The following CTNNA3 variants were observed in gnomAD, a reference collection of about 807,000 sequenced individuals.
CTNNA3 encodes the protein catenin alpha-3.
In CTNNA3, 76 loss-of-function variants were observed where a neutral mutation model predicts 95.7. The ratio of observed to expected loss-of-function variants is 0.79; its 90% confidence interval spans 0.66 to 0.96. The LOEUF is 0.96. Among genes scored for constraint, CTNNA3 ranks in the 40% least tolerant of loss-of-function variants. The pLI is 0.00. For missense variants in CTNNA3, 1,191 were observed against 1,089.8 expected, an observed-to-expected ratio of 1.09 and a Z score of -1.31; for synonymous variants, 431 against 374.4, an observed-to-expected ratio of 1.15 and a Z score of -1.74.
rs888829376 is a variant in CTNNA3, at chr10:66,309,508, C to T, written c.1733-28887G>A. ...GAGATCGAGACCATCCTGGCTAACA[C>T]TGTGAAACCCCATCTACCAAAAATA... is the stretch of plus-strand genomic sequence containing the variant. On this transcript the variant is annotated intron_variant, in intron 12 of 17. Coordinates refer to ENST00000433211, the MANE Select transcript of CTNNA3 (RefSeq NM_013266.4). Among the ~76,000 whole-genome samples the T allele has an allele frequency of 1.4e-4, 21 of 149,476 alleles. 1 individual carries two copies. Among genetic ancestry groups the T allele is most frequent in the South Asian group, 1.3e-3 (6 of 4,676 alleles).
intron 5 of CTNNA3, among the ~76,000 whole-genome samples, chr10:67,506,792 G>A (rs1186083480): frequency 6.6e-6 from 1 of 152,172 alleles, no homozygotes; most frequent in Non-Finnish European, 1.5e-5. Flanking sequence ...AATTTAATAT[G>A]AGTGTATTTG....
At chr10:66,638,907 C>T (rs1845425111) in intron 9 of CTNNA3, among the ~76,000 whole-genome samples, 1 of 152,060 alleles carries the variant, frequency 6.6e-6, no homozygotes, top group African/African-American at 2.4e-5. Flanking sequence ...TTTTTCACAT[C>T]ACTGTCTCTG....
At chr10:67,583,065 G>A (rs964408347) in intron 3 of CTNNA3, among the ~76,000 whole-genome samples, 7 of 151,960 alleles carry the variant, frequency 4.6e-5, no homozygotes, top group Non-Finnish European at 1.0e-4. Flanking sequence ...TTACATTTAA[G>A]GTTAATATTG....
chr10:67,522,085 A>T, intron 4 of CTNNA3, 124 bp from the exon 5 acceptor site: 2 of 858,002 alleles, frequency 2.3e-6, no homozygotes, highest in Admixed American at 5.4e-5. Context: ...AGTGATAACA[A>T]ATGCTAGCTA....
chr10:67,550,025 CAACT>C (rs976781614), intron 3 of CTNNA3, among the ~76,000 whole-genome samples: 1 of 152,084 alleles, frequency 6.6e-6, no homozygotes, highest in African/African-American at 2.4e-5. Flanking sequence ...AAAGTTCATA[CAACT>C]AACAAGGGTC....
chr10:67,119,958 AC>A (rs1684699527), intron 7 of CTNNA3, among the ~76,000 whole-genome samples: 1 of 151,932 alleles, frequency 6.6e-6, no homozygotes, highest in South Asian at 2.1e-4. Flanking sequence ...TTCTAAAATA[AC>A]CAAATAGTGT....
At chr10:67,333,929 G>A (rs1841889009) in intron 5 of CTNNA3, among the ~76,000 whole-genome samples, 1 of 152,176 alleles carries the variant, frequency 6.6e-6, no homozygotes, top group African/African-American at 2.4e-5. Flanking sequence ...TGTCATGGGT[G>A]ATTTGCTAAG....
At chr10:67,763,286 A>G (rs2131761883) in intron 1 of CTNNA3, among the ~76,000 whole-genome samples, 1 of 152,214 alleles carries the variant, frequency 6.6e-6, no homozygotes, top group Non-Finnish European at 1.5e-5. Context: ...AAAAAAAAAA[A>G]AATTCCTAAA....
intron 13 of CTNNA3, among the ~76,000 whole-genome samples, chr10:66,199,477 C>G (rs116284622): frequency 6.6e-6 from 1 of 150,928 alleles, no homozygotes; most frequent in Non-Finnish European, 1.5e-5. Flanking sequence ...AAAAAAAGAA[C>G]AACAAAACTT....
intron 5 of CTNNA3, among the ~76,000 whole-genome samples, chr10:67,271,835 C>A (rs192499136): frequency 2.3e-4 from 35 of 152,296 alleles, no homozygotes; most frequent in Admixed American, 2.3e-3. Flanking sequence ...AAGTAAGAGT[C>A]ATGCAGATAA....
chr10:66,353,754 C>A (rs2092584995), intron 12 of CTNNA3, among the ~76,000 whole-genome samples: 2 of 151,914 alleles, frequency 1.3e-5, no homozygotes, highest in South Asian at 4.2e-4. Context: ...GAAGGAGGAA[C>A]TGGAGATTAA....
chr10:67,140,636 G>A (rs575936752), intron 7 of CTNNA3, among the ~76,000 whole-genome samples: 1 of 152,226 alleles, frequency 6.6e-6, no homozygotes, highest in African/African-American at 2.4e-5. Flanking sequence ...AAGCAAACAC[G>A]TTTATTTTTA....
At chr10:67,308,288 G>A (rs910441259) in intron 5 of CTNNA3, among the ~76,000 whole-genome samples, 1 of 152,190 alleles carries the variant, frequency 6.6e-6, no homozygotes, top group Non-Finnish European at 1.5e-5. Context: ...AGGGACCCGG[G>A]GGGGAAGTAA....
intron 6 of CTNNA3, among the ~76,000 whole-genome samples, chr10:67,189,936 A>G (rs954540555): frequency 2.0e-5 from 3 of 152,202 alleles, no homozygotes; most frequent in African/African-American, 4.8e-5. Context: ...AAAGATGTAT[A>G]CCACCCACAG....
intron 13 of CTNNA3, among the ~76,000 whole-genome samples, chr10:66,179,214 G>A (rs945015686): frequency 1.3e-5 from 2 of 151,840 alleles, no homozygotes; most frequent in Non-Finnish European, 2.9e-5. Flanking sequence ...ATGGAATCTC[G>A]CTTAGCAATT....
intron 1 of CTNNA3, among the ~76,000 whole-genome samples, chr10:67,707,793 G>A (rs1034071908): frequency 6.6e-6 from 1 of 152,146 alleles, no homozygotes; most frequent in Non-Finnish European, 1.5e-5. Context: ...ACCTTGATAC[G>A]AAATGAAAGA....
intron 3 of CTNNA3, among the ~76,000 whole-genome samples, chr10:67,604,287 G>A (rs1480118720): frequency 6.6e-6 from 1 of 152,124 alleles, no homozygotes; most frequent in Non-Finnish European, 1.5e-5. Flanking sequence ...AAGAAACTGC[G>A]AGTTCCTGTT....
intron 5 of CTNNA3, among the ~76,000 whole-genome samples, chr10:67,318,782 G>A (rs566152600): frequency 3.3e-5 from 5 of 152,282 alleles, no homozygotes; most frequent in Non-Finnish European, 5.9e-5. Context: ...TGCAGACCAC[G>A]TTGCTTTCCA....
At chr10:66,083,090 C>T (rs1211367077) in intron 14 of CTNNA3, among the ~76,000 whole-genome samples, 1 of 151,862 alleles carries the variant, frequency 6.6e-6, no homozygotes, top group Non-Finnish European at 1.5e-5. Context: ...GAAGTGAGGG[C>T]TTAAGTAAAC....
Sources: gnomAD v4.1 joint callset for allele counts (sites outside exome capture counted in the v4.1 genomes callset) on GRCh38, gnomAD v4.1.1 for gene constraint, MANE v1.5 for transcripts, NCBI Gene and HGNC (gene_info 2026-07-23, HGNC 2026-07-21) for gene names.